TRABD2A: variants seen among roughly 807,000 people sequenced by gnomAD.
The protein encoded by TRABD2A is metalloprotease TIKI1.
A neutral mutation model predicts 45.6 loss-of-function variants in TRABD2A; 43 were observed. The observed-to-expected ratio is 0.94, with a 90% CI of 0.74 to 1.22. The LOEUF is 1.22. TRABD2A is among the 50% of genes most tolerant of loss of function. TRABD2A has a pLI of 0.00. For synonymous variants in TRABD2A, 269 were observed against 265.0 expected (o/e 1.02, Z -0.15); for missense variants, 642 against 652.4 (o/e 0.98, Z 0.17).
intron 2 of TRABD2A, chr2:84,849,316 GA>G (rs1682006300): frequency 6.6e-6 from 1 of 152,290 alleles, no homozygotes; most frequent in Non-Finnish European, 1.5e-5. Flanking sequence ...ACACCCAGAT[GA>G]TTTGATTTGC....
chr2:84,879,641 T>G, intron 1 of TRABD2A: 1 of 984,118 alleles, frequency 1.0e-6, no homozygotes, highest in Non-Finnish European at 1.2e-6. Flanking sequence ...TGAAAGGCAA[T>G]GTGCTTTCTT....
intron 2 of TRABD2A, among the ~76,000 whole-genome samples, chr2:84,854,941 T>C (rs534120264): frequency 2.0e-4 from 30 of 152,162 alleles, no homozygotes; most frequent in Admixed American, 9.8e-4. Context: ...ACCAAAGGTG[T>C]CAAATCACTG....
intron 5 of TRABD2A, among the ~76,000 whole-genome samples, chr2:84,829,231 A>G (rs1573916921): frequency 6.6e-6 from 1 of 152,058 alleles, no homozygotes; most frequent in East Asian, 1.9e-4. Flanking sequence ...AAGTGAGAAC[A>G]CTTGTTCTCA....
intron 5 of TRABD2A, among the ~76,000 whole-genome samples, chr2:84,829,102 G>A (rs931664907): frequency 2.0e-5 from 3 of 152,060 alleles, no homozygotes; most frequent in Non-Finnish European, 2.9e-5. Flanking sequence ...CAGTTTCTTC[G>A]TTAGTAAATG....
At chr2:84,848,912 A>G (rs1681994510) in intron 2 of TRABD2A, among the ~76,000 whole-genome samples, 1 of 152,090 alleles carries the variant, frequency 6.6e-6, no homozygotes, top group Admixed American at 6.6e-5. Flanking sequence ...ACAAGCAGGA[A>G]ATAAAAAGCC....
chr2:84,878,924 A>G (rs139313522), intron 1 of TRABD2A, among the ~76,000 whole-genome samples: 192 of 152,296 alleles, frequency 1.3e-3, no homozygotes, highest in African/African-American at 4.5e-3. Context: ...TAGAACAGCA[A>G]TTCTCAAAGT....
intron 4 of TRABD2A, 134 bp from the exon 5 acceptor site, chr2:84,832,279 G>A (rs991941303): frequency 1.2e-5 from 10 of 859,898 alleles, no homozygotes; most frequent in Non-Finnish European, 1.8e-5. Flanking sequence ...TACAGTTCTA[G>A]AGAGCTTCTG....
chr2:84,863,597 CTT>C (rs55952015), intron 2 of TRABD2A, among the ~76,000 whole-genome samples: 15 of 78,112 alleles, frequency 1.9e-4, no homozygotes, highest in South Asian at 5.1e-4. Context: ...TTCAAATTTT[CTT>C]TTTTTTTTTT....
intron 2 of TRABD2A, among the ~76,000 whole-genome samples, chr2:84,843,048 T>C (rs1681763757): frequency 6.6e-6 from 1 of 150,898 alleles, no homozygotes; most frequent in Non-Finnish European, 1.5e-5. Context: ...GGTGGGGAGG[T>C]AGGGTTCCTG....
chr2:84,875,497 AG>A (rs1412634206), intron 1 of TRABD2A, among the ~76,000 whole-genome samples: 1 of 152,222 alleles, frequency 6.6e-6, no homozygotes, highest in Admixed American at 6.5e-5. Context: ...GGCCCCAGGA[AG>A]GGCTCAGGCT....
chr2:84,853,527 C>G (rs1406119148), intron 2 of TRABD2A, among the ~76,000 whole-genome samples: 1 of 152,140 alleles, frequency 6.6e-6, no homozygotes, highest in Non-Finnish European at 1.5e-5. Context: ...CACCTGGTCC[C>G]GCCCATGACA....
rs1330285367 is a variant in TRABD2A, at chr2:84,830,075, A to C, written c.1082+1980T>G. ...AGGTAGGGCCCTCTCCAGCACCCTA[A>C]GGACAGTGCGTTGAACCCCAGGCCA... On this transcript the variant is annotated intron_variant, in intron 5 of 6. Transcript: ENST00000409520. The surrounding 1 kb of genome is among the most constrained non-coding windows in gnomAD (Gnocchi z 4.9). Among the ~76,000 whole-genome samples, 1 of 152,150 alleles carries C rather than the reference A, an allele frequency of 6.6e-6. No individual in the cohort carries two copies. Among genetic ancestry groups the C allele is most frequent in the Non-Finnish European group, 1.5e-5 (1 of 68,012 alleles).
chr2:84,865,415 C>T (rs868052948), intron 2 of TRABD2A, among the ~76,000 whole-genome samples: 19 of 152,292 alleles, frequency 1.2e-4, no homozygotes, highest in South Asian at 8.3e-4. Flanking sequence ...AATAAGAGCA[C>T]CTCAGCGTCA....
chr2:84,849,246 C>T (rs1266267290), intron 2 of TRABD2A, among the ~76,000 whole-genome samples: 1 of 152,176 alleles, frequency 6.6e-6, no homozygotes, highest in Non-Finnish European at 1.5e-5. Context: ...GTATTTCAGA[C>T]AATCCTGTAA....
intron 1 of TRABD2A, among the ~76,000 whole-genome samples, chr2:84,878,585 G>T (rs1683106615): frequency 6.6e-6 from 1 of 151,634 alleles, no homozygotes; most frequent in Admixed American, 6.6e-5. Flanking sequence ...AGTTCTGTTT[G>T]ACAAGAAAGA....
intron 3 of TRABD2A, 77 bp from the exon 4 acceptor site, chr2:84,839,400 C>T (rs1681634714): frequency 1.5e-6 from 2 of 1,377,548 alleles, no homozygotes; most frequent in Admixed American, 2.3e-5. Flanking sequence ...AGCATCAAAT[C>T]CCCCAACCTA....
At chr2:84,834,036 G>A (rs1438281837) in intron 4 of TRABD2A, 1 of 152,364 alleles carries the variant, frequency 6.6e-6, no homozygotes, top group Non-Finnish European at 1.5e-5. Flanking sequence ...GTTTTTGGGA[G>A]CTCACCTAAG....
chr2:84,835,419 T>C (rs1681470989), intron 4 of TRABD2A: 1 of 145,634 alleles, frequency 6.9e-6, no homozygotes, highest in South Asian at 2.5e-4. Context: ...GTGAGAGCCT[T>C]TTTTTTTTTT....
chr2:84,870,075 T>G, intron 2 of TRABD2A, 150 bp downstream of exon 2: 1 of 809,604 alleles, frequency 1.2e-6, no homozygotes, highest in South Asian at 1.8e-5. Context: ...ACTGACCACT[T>G]GGCTTTTTTT....
Sources: gnomAD v4.1 joint callset for allele counts (sites outside exome capture counted in the v4.1 genomes callset) on GRCh38, gnomAD v4.1.1 for gene constraint, Gnocchi (gnomAD v3.1) non-coding constraint, MANE v1.5 for transcripts, NCBI Gene and HGNC (gene_info 2026-07-23, HGNC 2026-07-21) for gene names.